COL9A3: variants seen among roughly 807,000 people sequenced by gnomAD.
COL9A3 encodes collagen type IX alpha 3 chain.
In COL9A3, 82 loss-of-function variants were observed where a neutral mutation model predicts 110.2. The ratio of observed to expected loss-of-function variants is 0.74; its 90% CI spans 0.62 to 0.89. COL9A3 has a LOEUF of 0.89. Among genes scored for constraint, COL9A3 ranks in the 40% least tolerant of loss-of-function variants. The pLI, the probability that COL9A3 is intolerant of heterozygous loss-of-function variation, is 0.00. For missense variants in COL9A3, 1,066 were observed against 981.3 expected, an observed-to-expected ratio of 1.09 and a Z score of -1.15; for synonymous variants, 494 against 403.8, an observed-to-expected ratio of 1.22 and a Z score of -2.68.
In COL9A3 at chr20:62,837,168, G is replaced by A. The variant is rs143244629; in HGVS notation, c.1689G>A (p.Gly563=). The A allele has an allele frequency of 1.1e-4, 175 of 1,612,804 alleles. No individual in the cohort carries two copies. Among genetic ancestry groups the A allele is most frequent in the Middle Eastern group, 3.3e-4 (2 of 6,080 alleles). The part of the protein sequence containing the change: ...IGRPGPAGPP[G]PPGPPGSIGH... ...GGCCCGGTCCAGCTGGCCCCCCTGG[G>A]CCCCCAGGACCCCCAGGCTCCATTG... Residue 563 remains glycine, a synonymous_variant, in exon 30 of 32, where the codon GGG becomes GGA. Coordinates refer to ENST00000649368, the MANE Select transcript of COL9A3 (RefSeq NM_001853.4).
chr20:62,837,136 A>G lies in COL9A3; in HGVS notation c.1657A>G (p.Ile553Val), dbSNP rs749372066. Reference protein sequence around the residue: ...HLRKPLAPGSIGRPGPAGPPG... With the variant: ...HLRKPLAPGSVGRPGPAGPPG... ...AAGGAAGCCTTTGGCACCCGGGTCC[A>G]TTGGTCGGCCCGGTCCAGCTGGCCC... The change falls in exon 30 of 32, where the codon ATT (isoleucine) becomes GTT (valine). Residue 553 changes from isoleucine (I) to valine (V), a missense_variant. By Grantham distance (29) the Ile-to-Val change is conservative. Transcript: ENST00000649368. The G allele has an allele frequency of 6.2e-7, 1 of 1,613,386 alleles. No individual in the cohort carries two copies. The highest frequency in any genetic ancestry group is 1.3e-5 in the African/African-American group (1 of 75,038).
chr20:62,828,502 A>G (rs899362159), intron 17 of COL9A3, among the ~76,000 whole-genome samples: 2 of 152,232 alleles, frequency 1.3e-5, no homozygotes, highest in Non-Finnish European at 2.9e-5. Flanking sequence ...GGGCACCATG[A>G]TGTGCCTGGT....
Position 62,830,535 on chromosome 20 carries a change from G to A in COL9A3, c.1234G>A (p.Gly412Arg), listed in dbSNP as rs1280770042. 3 of 1,608,594 alleles carry A rather than the reference G, an allele frequency of 1.9e-6. No homozygotes were observed. Among genetic ancestry groups the A allele is most frequent in the Non-Finnish European group, 2.5e-6 (3 of 1,178,504 alleles). Reference protein sequence around the residue: ...RGFQGQKGSMGDPGLPGPQGL... With the variant: ...RGFQGQKGSMRDPGLPGPQGL... Reference sequence around the variant, plus strand: ...TCCCCAGGGCCAGAAGGGCAGCATGGGAGACCCCGGCCTTCCAGGCCCCCA... The same window carrying A: ...TCCCCAGGGCCAGAAGGGCAGCATGAGAGACCCCGGCCTTCCAGGCCCCCA... Residue 412 changes from glycine to arginine, a missense_variant, in exon 24 of 32, where the codon GGA becomes AGA. Gly to Arg is a moderately radical substitution (Grantham distance 125). Transcript: ENST00000649368.
chr20:62,828,739 G>T, intron 17 of COL9A3, 25 bp from the exon 18 acceptor site: 1 of 1,612,332 alleles, frequency 6.2e-7, no homozygotes, highest in Non-Finnish European at 8.5e-7. Flanking sequence ...CTGCCCGACG[G>T]GCCTTACTCA....
chr20:62,835,547 C>T (rs987734657), intron 26 of COL9A3, among the ~76,000 whole-genome samples: 3 of 152,234 alleles, frequency 2.0e-5, no homozygotes, highest in South Asian at 2.1e-4. Flanking sequence ...TGTTGACGCA[C>T]CTGGGGCCAG....
At chr20:62,825,725 GC>G in intron 12 of COL9A3, 91 bp from the exon 13 acceptor site, 1 of 1,329,770 alleles carries the variant, frequency 7.5e-7, no homozygotes, top group East Asian at 2.5e-5. Flanking sequence ...AACACCCCCA[GC>G]TGCTTGGGCT....
In COL9A3 at chr20:62,830,568, C is replaced by T. The variant is rs761166747; in HGVS notation, c.1267C>T (p.Arg423Ter). ...DPGLPGPQGL[R>*]GDVGDRGPGG... ...CGGCCTTCCAGGCCCCCAGGGCCTC[C>T]GAGGTGACGTGGGCGACCGGGTAAG... is the stretch of plus-strand genomic sequence containing the variant. The change falls in exon 24 of 32, where the codon CGA becomes TGA. Residue 423 changes from arginine to a stop codon, truncating the protein, a stop_gained. Transcript: ENST00000649368. LOFTEE classifies it high-confidence loss of function. 6.9e-6 allele frequency: 11 copies of T among 1,605,420 alleles called. No homozygotes were observed. Among genetic ancestry groups the T allele is most frequent in the Non-Finnish European group, 8.5e-6 (10 of 1,177,094 alleles).
chr20:62,825,965 G>T (rs866044300), intron 13 of COL9A3, 95 bp downstream of exon 13: 7 of 1,387,136 alleles, frequency 5.0e-6, no homozygotes, highest in East Asian at 2.5e-5. Context: ...GGCCAGCTCC[G>T]GCTGGGGGGT....
chr20:62,818,714 G>T (rs555983196), intron 3 of COL9A3, among the ~76,000 whole-genome samples, 161 bp downstream of exon 3: 1 of 152,238 alleles, frequency 6.6e-6, no homozygotes, highest in African/African-American at 2.4e-5. Context: ...CCAGCGGGGC[G>T]GGAGGGGAGT....
chr20:62,821,789 G>A lies in COL9A3; in HGVS notation c.402G>A (p.Gly134=), dbSNP rs1266934068. The change falls in exon 8 of 32, where the codon GGG becomes GGA. Residue 134 remains glycine, a synonymous_variant. Transcript: ENST00000649368. ...GEAGVSGPPG[G]IGLRGPPGPS... Reference sequence around the variant, plus strand: ...CAGGAGTGAGCGGCCCCCCAGGTGGGATCGGCCTCCGCGGCCCCCCGGTGA... The same window carrying A: ...CAGGAGTGAGCGGCCCCCCAGGTGGAATCGGCCTCCGCGGCCCCCCGGTGA... 1.2e-6 allele frequency: 2 copies of A among 1,609,752 alleles called. No individual in the cohort carries two copies. Among genetic ancestry groups the A allele is most frequent in the Non-Finnish European group, 1.7e-6 (2 of 1,178,356 alleles).
chr20:62,823,259 C>T (rs2063524956), intron 10 of COL9A3, among the ~76,000 whole-genome samples: 1 of 152,082 alleles, frequency 6.6e-6, no homozygotes, highest in Non-Finnish European at 1.5e-5. Flanking sequence ...TCACTTGAGC[C>T]CAGGAGGCAG....
chr20:62,831,750 A>C, intron 24 of COL9A3: 1 of 278,268 alleles, frequency 3.6e-6, no homozygotes, highest in East Asian at 8.6e-5. Flanking sequence ...ATGTGAGCAA[A>C]TGGACATTTT....
intron 30 of COL9A3, among the ~76,000 whole-genome samples, chr20:62,837,717 G>T (rs1260983076): frequency 6.6e-6 from 1 of 152,180 alleles, no homozygotes; most frequent in African/African-American, 2.4e-5. Flanking sequence ...TGAGGCAGGA[G>T]AATCTCTTGA....
Position 62,827,221 on chromosome 20 carries a change from C to A in COL9A3, c.793-20C>A, listed in dbSNP as rs755197225. The stretch of plus-strand genomic sequence containing the variant: ...CTCCATGGTGTTAACTCTGTCCCTG[C>A]CCCACCTCATCCTTTCCAGGGTGAC... On this transcript the variant is annotated intron_variant, in intron 15 of 31. Coordinates refer to ENST00000649368, the MANE Select transcript of COL9A3 (RefSeq NM_001853.4). 6.2e-7 allele frequency: 1 copy of A among 1,612,968 alleles called. No individual in the cohort carries two copies. Among genetic ancestry groups the A allele is most frequent in the East Asian group, 2.2e-5 (1 of 44,876 alleles).
In COL9A3 at chr20:62,824,473, C is replaced by T. The variant is rs777936617; in HGVS notation, c.548C>T (p.Pro183Leu). 5 of 1,601,100 alleles carry T rather than the reference C, an allele frequency of 3.1e-6. No homozygotes were observed. In the East Asian group the frequency reaches 1.1e-4, roughly 36 times the overall value. Residue 183 changes from proline to leucine, a missense_variant, in exon 11 of 32, where the codon CCA becomes CTA. Coordinates refer to ENST00000649368, the MANE Select transcript of COL9A3 (RefSeq NM_001853.4). ...QCPSICPPGP[P>L]GPPGMPGFKG... ...CCAAGTATCTGCCCGCCAGGTCCCC[C>T]AGGGCCCCCTGGAATGCCAGGGTTC...
intron 4 of COL9A3, 107 bp downstream of exon 4, chr20:62,819,400 C>A: frequency 8.9e-7 from 1 of 1,120,144 alleles, no homozygotes; most frequent in Non-Finnish European, 1.3e-6. Context: ...AGGCGGGAAG[C>A]CCAGTCCTGA....
Position 62,835,962 on chromosome 20 carries a change from C to A in COL9A3, c.1401+9C>A. The A allele has an allele frequency of 5.0e-6, 8 of 1,614,248 alleles. No individual in the cohort carries two copies. The highest frequency in any genetic ancestry group is 6.8e-6 in the Non-Finnish European group (8 of 1,180,056). ...TCGGACCCAAAGGAGAGGTGAGTGCCCGGCGACTGTTCCGATGACACCATC... is the reference window on the plus strand; with the variant it reads ...TCGGACCCAAAGGAGAGGTGAGTGCACGGCGACTGTTCCGATGACACCATC... On this transcript the variant is annotated intron_variant, in intron 27 of 31. Coordinates refer to ENST00000649368, the MANE Select transcript of COL9A3 (RefSeq NM_001853.4).
Position 62,822,516 on chromosome 20 carries a change from A to AGTGG in COL9A3, c.478-64_478-61dup, listed in dbSNP as rs2063519996. The AGTGG allele has an allele frequency of 3.9e-6, 4 of 1,013,366 alleles. No homozygotes were observed. The South Asian group carries it at 4.5e-5, about 11-fold the overall frequency. 62.8% of individuals were successfully genotyped at this position (1,013,366 alleles called of 1,614,324 possible). On this transcript the variant is annotated intron_variant, in intron 9 of 31. Coordinates refer to ENST00000649368, the MANE Select transcript of COL9A3 (RefSeq NM_001853.4). Reference sequence around the variant, plus strand: ...TGGGGAAGGTTGTGGTCCGTCAGAGAGTGGGTGGGTGGGTTGGGTGGCTGC... The same window carrying AGTGG: ...TGGGGAAGGTTGTGGTCCGTCAGAGAGTGGGTGGGTGGGTGGGTTGGGTGGCTGC...
chr20:62,831,846 C>T (rs1439329010), intron 24 of COL9A3: 1 of 474,540 alleles, frequency 2.1e-6, no homozygotes, highest in Non-Finnish European at 3.9e-6. Flanking sequence ...GCATCTTTGA[C>T]TCTACTGTGA....
Sources: gnomAD v4.1 joint callset for allele counts (sites outside exome capture counted in the v4.1 genomes callset) on GRCh38, gnomAD v4.1.1 for gene constraint, MANE v1.5 for transcripts, NCBI Gene and HGNC (gene_info 2026-07-23, HGNC 2026-07-21) for gene names.